The following PLPP3 variants were observed in gnomAD, a reference collection of about 807,000 sequenced individuals.
PLPP3 encodes the protein phospholipid phosphatase 3, also known as PAP2 beta.
Under a neutral mutation model 29.6 loss-of-function variants are expected in PLPP3, and 6 were observed. The observed-to-expected ratio is 0.20, with a 90% CI of 0.11 to 0.40. The LOEUF is 0.40. Among genes scored for constraint, PLPP3 ranks in the 10% least tolerant of loss-of-function variants. PLPP3 has a pLI of 1.00. For missense variants in PLPP3, 308 were observed against 407.7 expected, an observed-to-expected ratio of 0.76 and a Z score of 2.11; for synonymous variants, 152 against 159.7, an observed-to-expected ratio of 0.95 and a Z score of 0.36.
chr1:56,550,730 C>T (rs915556317), intron 1 of PLPP3, among the ~76,000 whole-genome samples: 1 of 151,950 alleles, frequency 6.6e-6, no homozygotes, highest in Non-Finnish European at 1.5e-5. Flanking sequence ...CTCCCACCCA[C>T]CCCCACACAT....
Position 56,508,558 on chromosome 1 carries a change from C to T in PLPP3, c.810+3418G>A, listed in dbSNP as rs571471099. ...AACCTCAGGTGATGTCTCTGTGTTTCAAAAACCATTCAATACAGCCATAGT... is the reference window on the plus strand; with the variant it reads ...AACCTCAGGTGATGTCTCTGTGTTTTAAAAACCATTCAATACAGCCATAGT... On this transcript the variant is annotated intron_variant, in intron 5 of 5. Coordinates refer to ENST00000371250, the MANE Select transcript of PLPP3 (RefSeq NM_003713.5). 3.0e-4 allele frequency among the ~76,000 whole-genome samples: 45 copies of T among 152,268 alleles called. No individual in the cohort carries two copies. In the South Asian group the frequency reaches 8.9e-3, roughly 30 times the overall value.
chr1:56,577,256 A>C (rs1173348316), intron 1 of PLPP3, among the ~76,000 whole-genome samples: 1 of 152,202 alleles, frequency 6.6e-6, no homozygotes, highest in Non-Finnish European at 1.5e-5. Context: ...TTTAAGTAGT[A>C]ATCTGTCCCA....
rs1557513446 is a variant in PLPP3, at chr1:56,556,997, A to AGAAGGAAG, written c.140-19886_140-19885insCTTCCTTC. Among the ~76,000 whole-genome samples, 15 of 8,250 alleles carry AGAAGGAAG rather than the reference A, an allele frequency of 1.8e-3. 2 individuals are homozygous for AGAAGGAAG. Among genetic ancestry groups the AGAAGGAAG allele is most frequent in the Non-Finnish European group, 4.0e-3 (12 of 3,010 alleles). The allele number at this position is 8,250 out of a possible 152,430, so 5.4% of individuals were successfully genotyped here. A position where few individuals can be genotyped will look rare whatever the true frequency, so the allele number is the denominator to read the frequency against. ...AAGAAAGAAAGAAAGAAAGAAAGAA[A>AGAAGGAAG]GAAAGAAAGAAAGAGAGAGAGAGAG... On this transcript the variant is annotated intron_variant, in intron 1 of 5. Coordinates refer to ENST00000371250, the MANE Select transcript of PLPP3 (RefSeq NM_003713.5).
At chr1:56,541,902 A>G (rs1282375849) in intron 1 of PLPP3, among the ~76,000 whole-genome samples, 1 of 151,908 alleles carries the variant, frequency 6.6e-6, no homozygotes, top group African/African-American at 2.4e-5. Flanking sequence ...TCTGAACGCA[A>G]TAGCCTGGAG....
At chr1:56,541,254 A>T (rs1645966973) in intron 1 of PLPP3, among the ~76,000 whole-genome samples, 1 of 152,188 alleles carries the variant, frequency 6.6e-6, no homozygotes, top group African/African-American at 2.4e-5. Flanking sequence ...AGTGCAGTTT[A>T]GGGATTTCAA....
At chr1:56,511,906 T>C in intron 5 of PLPP3, 70 bp downstream of exon 5, 1 of 1,579,182 alleles carries the variant, frequency 6.3e-7, no homozygotes, top group Middle Eastern at 1.7e-4. Flanking sequence ...CTTTAGTCAC[T>C]GAGCTGGAAA....
rs914729669 is a variant in PLPP3, at chr1:56,554,953, T to C, written c.140-17841A>G. Among the ~76,000 whole-genome samples the C allele has an allele frequency of 2.0e-5, 3 of 152,314 alleles. No individual in the cohort carries two copies. In the East Asian group the frequency reaches 5.8e-4, roughly 29 times the overall value. ...CACTCTCCCTTCATTCATTTTTTTT[T>C]CCCAATAAATATTTATGAAGCACCT... On this transcript the variant is annotated intron_variant, in intron 1 of 5. Transcript: ENST00000371250.
intron 4 of PLPP3, among the ~76,000 whole-genome samples, chr1:56,514,429 A>G (rs1645767478): frequency 6.6e-6 from 1 of 152,124 alleles, no homozygotes; most frequent in African/African-American, 2.4e-5. Context: ...GTGGGTGAGC[A>G]GTGGTGAGAA....
chr1:56,532,476 G>A lies in PLPP3; in HGVS notation c.297+4479C>T, dbSNP rs1309062961. Among the ~76,000 whole-genome samples the A allele has an allele frequency of 2.0e-5, 3 of 152,218 alleles. No individual in the cohort carries two copies. The East Asian group carries it at 5.8e-4, about 29-fold the overall frequency. ...GGGCTCTTGTAGATAAAGGGAGATG[G>A]AGGGGTGGGGAGGAACTAATGAAGT... On this transcript the variant is annotated intron_variant, in intron 2 of 5. Coordinates refer to ENST00000371250, the MANE Select transcript of PLPP3 (RefSeq NM_003713.5).
At chr1:56,516,718 C>T (rs1044967788) in intron 4 of PLPP3, among the ~76,000 whole-genome samples, 1 of 150,656 alleles carries the variant, frequency 6.6e-6, no homozygotes, top group African/African-American at 2.4e-5. Context: ...TTCTCTGCTA[C>T]GTACAGCTTG....
intron 2 of PLPP3, 109 bp downstream of exon 2, chr1:56,536,843 GAGA>G (rs1176574448): frequency 7.2e-7 from 1 of 1,382,500 alleles, no homozygotes; most frequent in African/African-American, 1.5e-5. Flanking sequence ...ATATAGGCCA[GAGA>G]AAGTTGGCTT....
chr1:56,509,124 G>T (rs1045501785), intron 5 of PLPP3, among the ~76,000 whole-genome samples: 1 of 152,172 alleles, frequency 6.6e-6, no homozygotes, highest in Non-Finnish European at 1.5e-5. Flanking sequence ...TGGGTGTCAG[G>T]CATTTGGAGA....
chr1:56,563,524 A>T (rs766838515), intron 1 of PLPP3, among the ~76,000 whole-genome samples: 9 of 152,170 alleles, frequency 5.9e-5, no homozygotes, highest in South Asian at 2.1e-4. Context: ...ATGGCTCCTG[A>T]CCTTTTCTTC....
intron 1 of PLPP3, among the ~76,000 whole-genome samples, chr1:56,551,393 T>G (rs1569585711): frequency 6.6e-6 from 1 of 151,866 alleles, no homozygotes; most frequent in East Asian, 1.9e-4. Context: ...CCTGGCAGTG[T>G]GATACTTGAT....
intron 1 of PLPP3, chr1:56,538,667 T>C (rs1474241470): frequency 1.1e-5 from 3 of 285,312 alleles, no homozygotes; most frequent in African/African-American, 7.6e-5. Flanking sequence ...CAGCATGCCG[T>C]TGGTACTGTT....
At chr1:56,545,338 T>C (rs1351915099) in intron 1 of PLPP3, among the ~76,000 whole-genome samples, 1 of 152,202 alleles carries the variant, frequency 6.6e-6, no homozygotes, top group African/African-American at 2.4e-5. Context: ...ATGTAGTTGA[T>C]AAAATAAGTT....
intron 1 of PLPP3, among the ~76,000 whole-genome samples, chr1:56,552,649 A>C (rs543814065): frequency 6.6e-6 from 1 of 152,290 alleles, no homozygotes; most frequent in South Asian, 2.1e-4. Flanking sequence ...GAGGACTCAA[A>C]CCTGCAGTTC....
chr1:56,545,392 A>T (rs1402218542), intron 1 of PLPP3, among the ~76,000 whole-genome samples: 2 of 152,186 alleles, frequency 1.3e-5, no homozygotes, highest in Non-Finnish European at 2.9e-5. Context: ...AAAAGCTTTT[A>T]TGTGGGGGTA....
At chr1:56,532,706 C>A (rs1279683754) in intron 2 of PLPP3, among the ~76,000 whole-genome samples, 1 of 152,116 alleles carries the variant, frequency 6.6e-6, no homozygotes, top group African/African-American at 2.4e-5. Context: ...TGACCTAATG[C>A]TTTTGATTTT....
Sources: gnomAD v4.1 joint callset for allele counts (sites outside exome capture counted in the v4.1 genomes callset) on GRCh38, gnomAD v4.1.1 for gene constraint, MANE v1.5 for transcripts, NCBI Gene and HGNC (gene_info 2026-07-23, HGNC 2026-07-21) for gene names.